PARD3: variants seen among roughly 807,000 people sequenced by gnomAD.
PARD3 encodes the protein partitioning defective 3 homolog.
A neutral mutation model predicts 155.4 loss-of-function variants in PARD3; 75 were observed. The ratio of observed to expected loss-of-function variants is 0.48; its 90% CI spans 0.40 to 0.58. PARD3 has a LOEUF of 0.58. PARD3 is among the 20% of genes least tolerant of loss of function. The pLI is 0.00. For missense variants in PARD3, 1,642 were observed against 1,721.7 expected (o/e 0.95, Z 0.82); for synonymous variants, 576 against 610.5 (o/e 0.94, Z 0.83).
At chr10:34,365,798 G>T (rs1259998329) in intron 12 of PARD3, among the ~76,000 whole-genome samples, 2 of 152,124 alleles carry the variant, frequency 1.3e-5, no homozygotes, top group Non-Finnish European at 2.9e-5. Flanking sequence ...ATGTTGGTCA[G>T]GCTGGTCTGA....
chr10:34,766,915 A>C (rs2134060444), intron 1 of PARD3, among the ~76,000 whole-genome samples: 1 of 152,316 alleles, frequency 6.6e-6, no homozygotes, highest in African/African-American at 2.4e-5. Flanking sequence ...CAACTGAGTT[A>C]GGTCCTAAAG....
intron 14 of PARD3, 59 bp from the exon 15 acceptor site, chr10:34,348,174 C>T (rs1176612806): frequency 2.8e-6 from 4 of 1,453,904 alleles, no homozygotes; most frequent in Non-Finnish European, 3.7e-6. Flanking sequence ...CAATTAGCAG[C>T]ATGGGAGAAT....
At position 34,138,508 on chromosome 10, in the gene PARD3, G is replaced by A. The variant is rs181195774; in HGVS notation, c.3420-6925C>T. Among the ~76,000 whole-genome samples the A allele has an allele frequency of 2.7e-3, 410 of 152,210 alleles. 9 individuals carry two copies. Among genetic ancestry groups the A allele is most frequent in the Admixed American group, 0.023 (347 of 15,278 alleles). ...AATATACCTGCCAACCAGGTGATTC[G>A]GTAAAACTGAACTCAAGGGCTCATT... On this transcript the variant is annotated intron_variant, in intron 22 of 24. Coordinates refer to ENST00000374788, the MANE Select transcript of PARD3 (RefSeq NM_001184785.2).
intron 2 of PARD3, among the ~76,000 whole-genome samples, chr10:34,601,091 G>A (rs1490855457): frequency 4.7e-5 from 7 of 147,416 alleles, no homozygotes; most frequent in Admixed American, 1.4e-4. Flanking sequence ...CATTACAGGC[G>A]TGAGCCATTG....
intron 2 of PARD3, among the ~76,000 whole-genome samples, chr10:34,590,572 G>A (rs58121108): frequency 6.6e-6 from 1 of 152,222 alleles, no homozygotes; most frequent in South Asian, 2.1e-4. Flanking sequence ...GAACAGCAAG[G>A]GAAACACCAG....
At chr10:34,467,330 TGTG>T (rs1338779877) in intron 4 of PARD3, among the ~76,000 whole-genome samples, 1 of 33,272 alleles carries the variant, frequency 3.0e-5, no homozygotes, top group African/African-American at 5.1e-4. Flanking sequence ...GACTCCAACT[TGTG>T]TGTGTGTGTG....
At chr10:34,760,009 AATGC>A (rs1432356755) in intron 1 of PARD3, among the ~76,000 whole-genome samples, 1 of 152,192 alleles carries the variant, frequency 6.6e-6, no homozygotes, top group Non-Finnish European at 1.5e-5. Flanking sequence ...AATCTTTCAC[AATGC>A]CACTAGGTAT....
chr10:34,524,185 C>T (rs2082327888), intron 2 of PARD3, among the ~76,000 whole-genome samples: 1 of 152,110 alleles, frequency 6.6e-6, no homozygotes, highest in Non-Finnish European at 1.5e-5. Flanking sequence ...AAGCCATTTC[C>T]AGCAAAATAT....
chr10:34,327,724 T>C (rs1227972778), intron 19 of PARD3, among the ~76,000 whole-genome samples: 1 of 152,084 alleles, frequency 6.6e-6, no homozygotes, highest in Non-Finnish European at 1.5e-5. Context: ...AAATGTCCCA[T>C]GTGACAAAAA....
rs149874291 is a variant in PARD3 at position 34,262,662 on chromosome 10, C to T, written c.3419+6995G>A. ...CCAACATTTTAGACAAGGTTTGAGA[C>T]GTTCAAGCTGCCCTATTTCCATGGA... is the stretch of plus-strand genomic sequence containing the variant. On this transcript the variant is annotated intron_variant, in intron 22 of 24. Coordinates refer to ENST00000374788, the MANE Select transcript of PARD3 (RefSeq NM_001184785.2). Among the ~76,000 whole-genome samples the T allele has an allele frequency of 5.8e-4, 88 of 152,308 alleles. No individual in the cohort carries two copies. In the East Asian group the frequency reaches 0.013, roughly 23 times the overall value.
chr10:34,682,344 G>A (rs941291840), intron 2 of PARD3, among the ~76,000 whole-genome samples: 1 of 147,282 alleles, frequency 6.8e-6, no homozygotes, highest in African/African-American at 2.7e-5. Flanking sequence ...GCTTGAACCC[G>A]GGAGGTGGAG....
chr10:34,593,239 C>A (rs1439087162), intron 2 of PARD3, among the ~76,000 whole-genome samples: 1 of 152,184 alleles, frequency 6.6e-6, no homozygotes, highest in African/African-American at 2.4e-5. Context: ...CAGATAAATT[C>A]TGCACCTGCT....
chr10:34,517,075 T>G lies in PARD3; in HGVS notation c.307A>C (p.Ile103Leu), dbSNP rs369317752. The change falls in exon 3 of 25, where the codon ATA (isoleucine) becomes CTA (leucine). Residue 103 changes from isoleucine (I) to leucine (L), a missense_variant. By Grantham distance (5) the Ile-to-Leu change is conservative. Coordinates refer to ENST00000374788, the MANE Select transcript of PARD3 (RefSeq NM_001184785.2). ...TTGGTGCCAAGCTCACTACCAAATA[T>G]CTCTGGGCTCTGGGTACCCGTGGAA... ...ASSTGTQSPEIFGSELGTNNV... is the reference protein window; with the variant it reads ...ASSTGTQSPELFGSELGTNNV... 6.2e-6 allele frequency: 10 copies of G among 1,614,046 alleles called. No individual in the cohort carries two copies. In the African/African-American group the frequency reaches 1.3e-4, roughly 22 times the overall value.
intron 2 of PARD3, among the ~76,000 whole-genome samples, chr10:34,664,885 T>C (rs968395997): frequency 2.6e-5 from 4 of 152,122 alleles, no homozygotes; most frequent in African/African-American, 7.2e-5. Context: ...GCATGTAGAA[T>C]GTTGAATCCC....
chr10:34,769,809 A>C (rs1838631559), intron 1 of PARD3, among the ~76,000 whole-genome samples: 1 of 151,026 alleles, frequency 6.6e-6, no homozygotes, highest in African/African-American at 2.4e-5. Flanking sequence ...CAAAACAAAA[A>C]AAAAAACAAG....
chr10:34,780,165 A>T (rs1437282747), intron 1 of PARD3, among the ~76,000 whole-genome samples: 2 of 152,208 alleles, frequency 1.3e-5, no homozygotes, highest in Admixed American at 6.5e-5. Context: ...GACTTATTTT[A>T]TTAAAAAAAT....
chr10:34,585,276 A>T (rs1456244506), intron 2 of PARD3, among the ~76,000 whole-genome samples: 2 of 152,292 alleles, frequency 1.3e-5, no homozygotes, highest in East Asian at 3.9e-4. Context: ...TAGCCTTTTT[A>T]AAATTAAGTA....
chr10:34,152,471 T>A (rs565519354), intron 22 of PARD3, among the ~76,000 whole-genome samples: 29 of 152,340 alleles, frequency 1.9e-4, no homozygotes, highest in African/African-American at 5.5e-4. Context: ...TAAATATATC[T>A]ACATATAGAA....
intron 2 of PARD3, among the ~76,000 whole-genome samples, chr10:34,695,768 G>C (rs1231085337): frequency 6.6e-6 from 1 of 152,176 alleles, no homozygotes; most frequent in East Asian, 1.9e-4. Flanking sequence ...CCCTGCACAG[G>C]AGAGGCTGCC....
Sources: allele counts gnomAD v4.1 joint callset (sites outside exome capture counted in the v4.1 genomes callset), GRCh38; gene constraint gnomAD v4.1.1; transcripts MANE v1.5; gene names NCBI Gene and HGNC (gene_info 2026-07-23, HGNC 2026-07-21).